The following PRLR variants were observed in gnomAD, a reference collection of about 807,000 sequenced individuals.
PRLR encodes the protein prolactin receptor.
In PRLR, 13 loss-of-function variants were observed where a neutral mutation model predicts 40.2. That is an observed-to-expected ratio of 0.32 (90% CI 0.21 to 0.51). The LOEUF (loss-of-function observed/expected upper bound fraction) is 0.51, where lower values mean the gene tolerates loss of function less well. Ranked by LOEUF, PRLR falls within the 20% of genes least tolerant of loss-of-function variation. PRLR has a pLI of 0.97. For missense variants in PRLR, 656 were observed against 747.3 expected, an observed-to-expected ratio of 0.88 and a Z score of 1.42; for synonymous variants, 269 against 278.7, an observed-to-expected ratio of 0.97 and a Z score of 0.35.
At chr5:35,136,816 T>G (rs1416353195) in intron 1 of PRLR, among the ~76,000 whole-genome samples, 3 of 152,140 alleles carry the variant, frequency 2.0e-5, no homozygotes, top group Non-Finnish European at 4.4e-5. Flanking sequence ...ATTGCTAAGC[T>G]CCACCCCCAG....
At chr5:35,098,224 C>T (rs1771657162) in intron 2 of PRLR, among the ~76,000 whole-genome samples, 1 of 152,160 alleles carries the variant, frequency 6.6e-6, no homozygotes, top group African/African-American at 2.4e-5. Context: ...TTAAATGCAA[C>T]TGGATGGTTT....
At chr5:35,116,356 T>A (rs570292088) in intron 2 of PRLR, among the ~76,000 whole-genome samples, 1 of 152,164 alleles carries the variant, frequency 6.6e-6, no homozygotes, top group Non-Finnish European at 1.5e-5. Flanking sequence ...CTCTTTAGAG[T>A]GGTGACCTGT....
chr5:35,182,267 A>C (rs1378058547), intron 1 of PRLR, among the ~76,000 whole-genome samples: 1 of 152,218 alleles, frequency 6.6e-6, no homozygotes, highest in Non-Finnish European at 1.5e-5. Flanking sequence ...TTAGGTGGCC[A>C]AATAGTGCCT....
At chr5:35,186,233 G>A (rs1446801475) in intron 1 of PRLR, among the ~76,000 whole-genome samples, 6 of 151,922 alleles carry the variant, frequency 3.9e-5, no homozygotes, top group Non-Finnish European at 7.4e-5. Flanking sequence ...AAACAAATAA[G>A]ATCTATTAAA....
chr5:35,089,513 C>T, intron 3 of PRLR, 38 bp downstream of exon 3: 1 of 1,447,890 alleles, frequency 6.9e-7, no homozygotes. Flanking sequence ...GACAAACACC[C>T]CAGGCAATGA....
intron 1 of PRLR, among the ~76,000 whole-genome samples, chr5:35,136,390 T>C (rs933350439): frequency 1.1e-4 from 17 of 152,314 alleles, no homozygotes; most frequent in African/African-American, 4.1e-4. Flanking sequence ...TATTTTGTCA[T>C]AGGGGCTGTC....
chr5:35,155,741 C>T lies in PRLR; in HGVS notation c.-105-37619G>A, dbSNP rs189420333. Among the ~76,000 whole-genome samples, 232 of 152,250 alleles carry T rather than the reference C, an allele frequency of 1.5e-3. 2 individuals carry two copies. Among genetic ancestry groups the T allele is most frequent in the Non-Finnish European group, 2.9e-4 (20 of 68,002 alleles). On this transcript the variant is annotated intron_variant, in intron 1 of 9. Transcript: ENST00000618457. ...CACTCCCAGGGCGTGAAGCTAGAAC[C>T]AGGGCTTATTCCATTGCAACATGGT...
At chr5:35,148,512 T>C (rs1774250566) in intron 1 of PRLR, among the ~76,000 whole-genome samples, 1 of 152,130 alleles carries the variant, frequency 6.6e-6, no homozygotes, top group African/African-American at 2.4e-5. Flanking sequence ...TGAACAGATT[T>C]GGGTTGGAAT....
At chr5:35,125,712 A>G (rs1773435753) in intron 1 of PRLR, among the ~76,000 whole-genome samples, 1 of 152,252 alleles carries the variant, frequency 6.6e-6, no homozygotes, top group Non-Finnish European at 1.5e-5. Context: ...AGAACATCTA[A>G]AAGTATAAGA....
chr5:35,115,178 A>G (rs532243660), intron 2 of PRLR, among the ~76,000 whole-genome samples: 1 of 152,320 alleles, frequency 6.6e-6, no homozygotes, highest in East Asian at 1.9e-4. Context: ...ATTTATTTAT[A>G]TTTAAATTGC....
intron 2 of PRLR, among the ~76,000 whole-genome samples, chr5:35,106,225 A>G (rs138526280): frequency 0.15 from 22,215 of 152,176 alleles, 2,533 homozygotes; most frequent in African/African-American, 0.32. Flanking sequence ...TCCTGAAGGA[A>G]GCACTAAACA....
At chr5:35,202,173 A>C (rs1046482139) in intron 1 of PRLR, among the ~76,000 whole-genome samples, 15 of 152,308 alleles carry the variant, frequency 9.8e-5, no homozygotes, top group Middle Eastern at 3.4e-3. Flanking sequence ...TCTTACAGGA[A>C]ATTTACATAT....
chr5:35,183,515 TG>T lies in PRLR; in HGVS notation c.-106+46752del, dbSNP rs765563866. Among the ~76,000 whole-genome samples, 12 of 152,306 alleles carry T rather than the reference TG, an allele frequency of 7.9e-5. No homozygotes were observed. In the East Asian group the frequency reaches 2.1e-3, roughly 27 times the overall value. On this transcript the variant is annotated intron_variant, in intron 1 of 9. Transcript: ENST00000618457. The stretch of plus-strand genomic sequence containing the variant: ...GTTCTCCAACAAAGCTGGCAGCCTG[TG>T]GTATGCCTTCTGGGGCCAGAGAGTG...
rs775814182 is a variant in PRLR at position 35,084,671 on chromosome 5, G to A, written c.204-32C>T. ...TAAGTAATGTATTAGGAATGAATAA[G>A]AAAGTAATAAAGAGAGTCTAGTTTT... On this transcript the variant is annotated intron_variant, in intron 4 of 9. Coordinates refer to ENST00000618457, the MANE Select transcript of PRLR (RefSeq NM_000949.7). 5 of 1,587,402 alleles carry A rather than the reference G, an allele frequency of 3.1e-6. No homozygotes were observed. In the South Asian group the frequency reaches 5.8e-5, roughly 18 times the overall value.
intron 1 of PRLR, among the ~76,000 whole-genome samples, chr5:35,128,065 T>C (rs1383339437): frequency 6.6e-6 from 1 of 152,070 alleles, no homozygotes; most frequent in African/African-American, 2.4e-5. Context: ...AACTATACGC[T>C]GAAAATATCA....
rs1171335098 is a variant in PRLR at position 35,057,682 on chromosome 5, T to C, written c.*7407A>G. 1 of 152,098 alleles carries C rather than the reference T, an allele frequency of 6.6e-6. No homozygotes were observed. Among genetic ancestry groups the C allele is most frequent in the Non-Finnish European group, 1.5e-5 (1 of 67,976 alleles). The allele number at this position is 152,098 out of a possible 1,614,324, so 9.4% of individuals were successfully genotyped here. ...GGAAAACAGAGAGCACAATGTGCCA[T>C]AAGCAAAGATTTACAGAATGAAAAA... On this transcript the variant is annotated 3_prime_UTR_variant, in exon 10 of 10. Transcript: ENST00000618457.
chr5:35,146,656 T>C (rs1419533325), intron 1 of PRLR, among the ~76,000 whole-genome samples: 3 of 152,190 alleles, frequency 2.0e-5, no homozygotes, highest in African/African-American at 7.2e-5. Flanking sequence ...GGAGACTTAA[T>C]TCCTCTCTCT....
intron 1 of PRLR, among the ~76,000 whole-genome samples, chr5:35,198,176 T>C (rs1775786708): frequency 6.6e-6 from 1 of 152,210 alleles, no homozygotes; most frequent in Admixed American, 6.5e-5. Flanking sequence ...TGTTGACACC[T>C]CAGTGCCGCT....
At chr5:35,108,731 G>A (rs530016725) in intron 2 of PRLR, among the ~76,000 whole-genome samples, 39 of 152,260 alleles carry the variant, frequency 2.6e-4, no homozygotes, top group Non-Finnish European at 4.3e-4. Flanking sequence ...TAAACAAATG[G>A]AAGAACATGC....
Sources: allele counts gnomAD v4.1 joint callset (sites outside exome capture counted in the v4.1 genomes callset), GRCh38; gene constraint gnomAD v4.1.1; transcripts MANE v1.5; gene names NCBI Gene and HGNC (gene_info 2026-07-23, HGNC 2026-07-21).